STARD9: variants seen among roughly 807,000 people sequenced by gnomAD.
The protein encoded by STARD9 is StAR related lipid transfer domain containing 9, also known as stAR-related lipid transfer protein 9.
STARD9 carries 346 observed loss-of-function variants against 399.8 expected under a neutral mutation model. The ratio of observed to expected loss-of-function variants is 0.87; its 90% CI spans 0.79 to 0.95. The LOEUF (loss-of-function observed/expected upper bound fraction) is 0.95. Among genes scored for constraint, STARD9 ranks in the 40% least tolerant of loss-of-function variants. The probability of loss-of-function intolerance (pLI) is 0.00; values close to 1 mark genes in which losing one functional copy is unlikely to be tolerated. For synonymous variants in STARD9, 2,203 were observed against 2,143.5 expected, an observed-to-expected ratio of 1.03 and a Z score of -0.77; for missense variants, 5,832 against 5,667.5, an observed-to-expected ratio of 1.03 and a Z score of -0.93.
intron 22 of STARD9, among the ~76,000 whole-genome samples, chr15:42,683,599 CTCTTTTTTCTCTA>C (rs1290088419): frequency 6.6e-6 from 1 of 152,138 alleles, no homozygotes; most frequent in African/African-American, 2.4e-5. Flanking sequence ...TTTTTTCTCT[CTCTTTTTTCTCTA>C]ACATGGTTCA....
intron 20 of STARD9, among the ~76,000 whole-genome samples, chr15:42,680,665 A>G (rs2060409769): frequency 6.6e-6 from 1 of 152,164 alleles, no homozygotes; most frequent in Non-Finnish European, 1.5e-5. Context: ...ATACAACACA[A>G]ATTATCAACT....
chr15:42,667,381 C>T (rs2060123277), intron 15 of STARD9, among the ~76,000 whole-genome samples: 1 of 152,006 alleles, frequency 6.6e-6, no homozygotes, highest in Admixed American at 6.6e-5. Flanking sequence ...GATGGGGTTT[C>T]ACCGTGTTGG....
chr15:42,581,322 C>T (rs2058164066), intron 1 of STARD9: 2 of 1,290,958 alleles, frequency 1.5e-6, no homozygotes, highest in Admixed American at 3.5e-5. Context: ...CAGAAACTTT[C>T]TATCATAAAT....
chr15:42,621,941 A>T (rs969193994), intron 3 of STARD9, among the ~76,000 whole-genome samples: 2 of 152,148 alleles, frequency 1.3e-5, no homozygotes, highest in Non-Finnish European at 2.9e-5. Context: ...TTGCATATAC[A>T]TTTTCATATA....
At chr15:42,707,054 C>CA (rs2061103744) in intron 26 of STARD9, among the ~76,000 whole-genome samples, 1 of 152,064 alleles carries the variant, frequency 6.6e-6, no homozygotes, top group African/African-American at 2.4e-5. Context: ...TTTGCTTTCA[C>CA]AATATATTCC....
chr15:42,659,331 C>T (rs890329896), intron 9 of STARD9, among the ~76,000 whole-genome samples: 4 of 152,142 alleles, frequency 2.6e-5, no homozygotes, highest in Non-Finnish European at 5.9e-5. Flanking sequence ...AAAAAATTCT[C>T]AACATCCTTG....
rs2060447754 is a variant in STARD9, at chr15:42,682,306, TC to T, written c.2269del (p.Arg757GlyfsTer16). ...HLQLLRRHTL[R>X]AAERNVRRKK... ...TGCAGCTCCTGCGGAGACACACTCT[TC>T]GGGCAGCAGAGCGGAATGTCCGGCG... On this transcript the variant is annotated frameshift_variant, in exon 22 of 33. Coordinates refer to ENST00000290607, the MANE Select transcript of STARD9 (RefSeq NM_020759.3). LOFTEE classifies it high-confidence loss of function. The T allele has an allele frequency of 1.3e-6, 2 of 1,537,090 alleles. No individual in the cohort carries two copies. Among genetic ancestry groups the T allele is most frequent in the African/African-American group, 2.7e-5 (2 of 73,008 alleles).
At chr15:42,655,709 A>G (rs1288542849) in intron 9 of STARD9, among the ~76,000 whole-genome samples, 1 of 152,260 alleles carries the variant, frequency 6.6e-6, no homozygotes, top group Non-Finnish European at 1.5e-5. Flanking sequence ...TCCAAAAGCA[A>G]ATGCAACAAA....
chr15:42,603,138 C>A (rs555394489), intron 3 of STARD9, among the ~76,000 whole-genome samples: 21 of 152,282 alleles, frequency 1.4e-4, no homozygotes, highest in Non-Finnish European at 2.5e-4. Flanking sequence ...TATATTTACA[C>A]AAGCCCACTT....
At chr15:42,643,604 C>A (rs1003285820) in intron 7 of STARD9, among the ~76,000 whole-genome samples, 2 of 141,752 alleles carry the variant, frequency 1.4e-5, no homozygotes, top group African/African-American at 6.3e-5. Flanking sequence ...GATTCTCCTG[C>A]CTCGGCTGAG....
At chr15:42,661,520 T>C (rs117066630) in intron 10 of STARD9, among the ~76,000 whole-genome samples, 2,304 of 152,180 alleles carry the variant, frequency 0.015, 24 homozygotes, top group Non-Finnish European at 0.022. Context: ...TCATGGCTCA[T>C]TGTAACCCTG....
intron 4 of STARD9, among the ~76,000 whole-genome samples, chr15:42,636,814 C>T (rs1026999962): frequency 3.9e-5 from 6 of 151,904 alleles, no homozygotes; most frequent in African/African-American, 1.5e-4. Context: ...ACCTATAATC[C>T]CAGTACTTTG....
At chr15:42,639,646 G>A (rs950783577) in intron 7 of STARD9, among the ~76,000 whole-genome samples, 1 of 152,084 alleles carries the variant, frequency 6.6e-6, no homozygotes, top group African/African-American at 2.4e-5. Flanking sequence ...TGAATTTGCT[G>A]GAGGTCAGGA....
Position 42,691,791 on chromosome 15 carries a change from C to T in STARD9, c.10213C>T (p.Pro3405Ser), listed in dbSNP as rs753152007. The T allele has an allele frequency of 7.8e-6, 12 of 1,537,164 alleles. No homozygotes were observed. Among genetic ancestry groups the T allele is most frequent in the Non-Finnish European group, 1.7e-6 (2 of 1,146,924 alleles). ...TDHRHLKPAT[P>S]PYPMPSTLSH... ...TCACAGGCACCTGAAGCCTGCCACC[C>T]CTCCTTATCCAATGCCTTCCACTCT... is the stretch of plus-strand genomic sequence containing the variant. The change falls in exon 23 of 33, where the codon CCT becomes TCT. Residue 3405 changes from proline to serine, a missense_variant. By Grantham distance (74) the Pro-to-Ser change is moderately conservative. Transcript: ENST00000290607.
chr15:42,692,620 C>G lies in STARD9; in HGVS notation c.11042C>G (p.Ser3681Cys), dbSNP rs181807801. ...TCATGGACCAGCATGCACAATCTGT[C>G]TCTCCACCTCTCACAGCTCCTGCAC... Reference protein sequence around the residue: ...LASWTSMHNLSLHLSQLLHST... With the variant: ...LASWTSMHNLCLHLSQLLHST... Residue 3681 changes from serine to cysteine, a missense_variant, in exon 23 of 33, where the codon TCT becomes TGT. This residue lies in a region of STARD9 where 5,828 missense variants were observed against 5,651.1 expected (regional missense o/e 1.03). Transcript: ENST00000290607. The G allele has an allele frequency of 5.2e-6, 8 of 1,537,222 alleles. No homozygotes were observed. The highest frequency in any genetic ancestry group is 1.7e-4 in the Middle Eastern group (1 of 5,990).
At chr15:42,682,813 TTTGGTAA>T (rs2060463530) in intron 22 of STARD9, among the ~76,000 whole-genome samples, 1 of 152,216 alleles carries the variant, frequency 6.6e-6, no homozygotes, top group African/African-American at 2.4e-5. Context: ...TTCTTGCTTC[TTTGGTAA>T]CATCTTAGGA....
In STARD9 at chr15:42,692,237, G is replaced by C; in HGVS notation, c.10659G>C (p.Glu3553Asp). The C allele has an allele frequency of 6.5e-7, 1 of 1,537,018 alleles. No individual in the cohort carries two copies. The highest frequency in any genetic ancestry group is 8.7e-7 in the Non-Finnish European group (1 of 1,146,870). The change falls in exon 23 of 33, where the codon GAG becomes GAC. Residue 3553 changes from glutamate (E) to aspartate (D), a missense_variant. Glu to Asp is a conservative substitution (Grantham distance 45). Transcript: ENST00000290607. ...SSTENAQGSN[E>D]AWEVFRGSSS... Reference sequence around the variant, plus strand: ...CTGAGAATGCCCAGGGTTCAAATGAGGCCTGGGAAGTATTCCGAGGGAGTT... The same window carrying C: ...CTGAGAATGCCCAGGGTTCAAATGACGCCTGGGAAGTATTCCGAGGGAGTT...
chr15:42,648,546 T>C (rs1018331756), intron 7 of STARD9, among the ~76,000 whole-genome samples: 1 of 152,242 alleles, frequency 6.6e-6, no homozygotes, highest in East Asian at 1.9e-4. Flanking sequence ...TTAAAAATTA[T>C]ACCATTCTCT....
chr15:42,679,083 A>C (rs1566928176), intron 20 of STARD9, among the ~76,000 whole-genome samples: 1 of 152,224 alleles, frequency 6.6e-6, no homozygotes, highest in African/African-American at 2.4e-5. Context: ...GGAGAAAGCC[A>C]GACAAGGAGA....
Sources: gnomAD v4.1 joint callset for allele counts (sites outside exome capture counted in the v4.1 genomes callset) on GRCh38, gnomAD v4.1.1 for gene constraint, gnomAD v4.1.1 regional missense constraint, MANE v1.5 for transcripts, NCBI Gene and HGNC (gene_info 2026-07-23, HGNC 2026-07-21) for gene names.